ADGRL3: variants seen among roughly 807,000 people sequenced by gnomAD.
ADGRL3 encodes calcium-independent alpha-latrotoxin receptor 3.
A neutral mutation model predicts 153.5 loss-of-function variants in ADGRL3; 62 were observed. The observed-to-expected ratio is 0.40, with a 90% CI of 0.33 to 0.50. ADGRL3 has a LOEUF of 0.50. Ranked by LOEUF, ADGRL3 falls within the 20% of genes least tolerant of loss-of-function variation. The pLI is 0.47. For synonymous variants in ADGRL3, 710 were observed against 672.5 expected, an observed-to-expected ratio of 1.06 and a Z score of -0.86; for missense variants, 1,641 against 1,859.4, an observed-to-expected ratio of 0.88 and a Z score of 2.16.
chr4:61,987,552 C>T (rs1235792586), intron 19 of ADGRL3, among the ~76,000 whole-genome samples: 1 of 152,070 alleles, frequency 6.6e-6, no homozygotes, highest in Non-Finnish European at 1.5e-5. Context: ...TCTCTGCTGT[C>T]TCAAGTTTGT....
intron 1 of ADGRL3, among the ~76,000 whole-genome samples, chr4:61,335,573 T>A (rs2095658511): frequency 6.6e-6 from 1 of 152,168 alleles, no homozygotes; most frequent in South Asian, 2.1e-4. Context: ...GAATGTCAGT[T>A]TCTTTTTTAC....
At chr4:61,866,055 A>T (rs781178404) in intron 9 of ADGRL3, among the ~76,000 whole-genome samples, 2 of 152,160 alleles carry the variant, frequency 1.3e-5, no homozygotes, top group African/African-American at 4.8e-5. Context: ...ATCCAGTTGT[A>T]TACCTTTTCT....
intron 2 of ADGRL3, among the ~76,000 whole-genome samples, chr4:61,491,499 T>C (rs2098257496): frequency 6.6e-6 from 1 of 152,190 alleles, no homozygotes; most frequent in South Asian, 2.1e-4. Context: ...GTTGCTCTGA[T>C]ATCAGATATT....
chr4:61,472,834 T>C (rs1469713870), intron 2 of ADGRL3, among the ~76,000 whole-genome samples: 1 of 152,058 alleles, frequency 6.6e-6, no homozygotes, highest in Admixed American at 6.6e-5. Flanking sequence ...AACTGATTTA[T>C]TTTTTTGGGG....
intron 2 of ADGRL3, among the ~76,000 whole-genome samples, chr4:61,459,468 C>G (rs1192502547): frequency 6.6e-6 from 1 of 151,752 alleles, no homozygotes; most frequent in East Asian, 1.9e-4. Flanking sequence ...GTAATGGACT[C>G]TAAGGTTGAT....
intron 4 of ADGRL3, among the ~76,000 whole-genome samples, chr4:61,568,164 G>A (rs1217014912): frequency 6.6e-6 from 1 of 151,868 alleles, no homozygotes; most frequent in Non-Finnish European, 1.5e-5. Flanking sequence ...TTCTCTATCA[G>A]CATATAATCT....
intron 9 of ADGRL3, among the ~76,000 whole-genome samples, chr4:61,850,551 G>A (rs137980885): frequency 2.0e-3 from 297 of 152,264 alleles, no homozygotes; most frequent in African/African-American, 6.9e-3. Flanking sequence ...TCTAATTTCT[G>A]TAGGCCAAAG....
chr4:61,213,721 C>T (rs1222011610), intron 1 of ADGRL3, among the ~76,000 whole-genome samples: 1 of 151,988 alleles, frequency 6.6e-6, no homozygotes, highest in African/African-American at 2.4e-5. Context: ...CATTAAGTAT[C>T]ATAAAATATT....
intron 1 of ADGRL3, among the ~76,000 whole-genome samples, chr4:61,372,123 A>C (rs1209208493): frequency 6.6e-6 from 1 of 151,912 alleles, no homozygotes; most frequent in African/African-American, 2.4e-5. Flanking sequence ...TTCTAGTTAT[A>C]CATTCTTCTA....
At chr4:61,565,178 G>A (rs1260596906) in intron 4 of ADGRL3, among the ~76,000 whole-genome samples, 1 of 152,154 alleles carries the variant, frequency 6.6e-6, no homozygotes, top group East Asian at 1.9e-4. Context: ...TCTGGGAAGT[G>A]CAATGAAGCA....
At chr4:61,369,931 T>C (rs1038479133) in intron 1 of ADGRL3, among the ~76,000 whole-genome samples, 5 of 152,112 alleles carry the variant, frequency 3.3e-5, no homozygotes, top group African/African-American at 1.2e-4. Context: ...TATTCAGAGA[T>C]TCAACTTCTT....
At chr4:61,553,112 A>T (rs182778835) in intron 4 of ADGRL3, among the ~76,000 whole-genome samples, 41 of 152,324 alleles carry the variant, frequency 2.7e-4, no homozygotes, top group African/African-American at 9.6e-4. Flanking sequence ...AAATAAGCAT[A>T]GTTCGTAGGT....
At chr4:61,798,765 A>G (rs2097446907) in intron 8 of ADGRL3, among the ~76,000 whole-genome samples, 1 of 151,188 alleles carries the variant, frequency 6.6e-6, no homozygotes. Flanking sequence ...TTACAGGCAC[A>G]TGCCACTATA....
chr4:61,852,790 G>A (rs2098221481), intron 9 of ADGRL3, among the ~76,000 whole-genome samples: 2 of 150,600 alleles, frequency 1.3e-5, no homozygotes. Context: ...TCTCCATAGA[G>A]GAATCCTGAA....
intron 2 of ADGRL3, among the ~76,000 whole-genome samples, chr4:61,416,379 A>T (rs917093231): frequency 6.6e-6 from 1 of 150,704 alleles, no homozygotes; most frequent in Non-Finnish European, 1.5e-5. Context: ...TTGGACTGAC[A>T]TATTTTTCTT....
At chr4:61,690,418 G>A (rs1400093201) in intron 6 of ADGRL3, among the ~76,000 whole-genome samples, 2 of 151,810 alleles carry the variant, frequency 1.3e-5, no homozygotes, top group Non-Finnish European at 2.9e-5. Flanking sequence ...CTAAGAGAAA[G>A]AGCAAGACCC....
intron 8 of ADGRL3, among the ~76,000 whole-genome samples, chr4:61,812,662 A>G (rs896791180): frequency 6.6e-6 from 1 of 152,202 alleles, no homozygotes; most frequent in Non-Finnish European, 1.5e-5. Flanking sequence ...TTGCCTCAAA[A>G]TCCTAATTGC....
intron 1 of ADGRL3, among the ~76,000 whole-genome samples, chr4:61,257,660 A>G (rs1019583743): frequency 6.6e-6 from 1 of 152,182 alleles, no homozygotes; most frequent in Non-Finnish European, 1.5e-5. Flanking sequence ...CCAAAACCCA[A>G]TATGGATGTG....
intron 9 of ADGRL3, among the ~76,000 whole-genome samples, chr4:61,871,242 C>T (rs1253569677): frequency 6.6e-6 from 1 of 151,038 alleles, no homozygotes; most frequent in East Asian, 1.9e-4. Context: ...CGCACCACTG[C>T]ACTCCAGCCT....
Sources: allele counts gnomAD v4.1 joint callset (sites outside exome capture counted in the v4.1 genomes callset), GRCh38; gene constraint gnomAD v4.1.1; transcripts MANE v1.5; gene names NCBI Gene and HGNC (gene_info 2026-07-23, HGNC 2026-07-21).